The following DBF4B variants were observed in gnomAD, a reference collection of about 807,000 sequenced individuals.
DBF4B encodes the protein protein DBF4 homolog B.
Under a neutral mutation model 53.4 loss-of-function variants are expected in DBF4B, and 49 were observed. The ratio of observed to expected loss-of-function variants is 0.92; its 90% CI spans 0.73 to 1.16. The LOEUF is 1.16. Ranked by LOEUF, DBF4B falls within the 50% of genes most tolerant of loss-of-function variation. The pLI is 0.00. For missense variants in DBF4B, 692 were observed against 775.0 expected, an observed-to-expected ratio of 0.89 and a Z score of 1.27; for synonymous variants, 257 against 288.7, an observed-to-expected ratio of 0.89 and a Z score of 1.11.
chr17:44,715,859 G>A (rs1428382394), intron 2 of DBF4B, among the ~76,000 whole-genome samples: 1 of 96,628 alleles, frequency 1.0e-5, no homozygotes, highest in Non-Finnish European at 1.8e-5. Context: ...GTCTTGCTCT[G>A]TCTCCCAGGC....
rs1336368627 is a variant in DBF4B at position 44,734,079 on chromosome 17, C to G, written c.557-11C>G. On this transcript the variant is annotated splice_polypyrimidine_tract_variant and intron_variant, in intron 6 of 13. Coordinates refer to ENST00000315005, the MANE Select transcript of DBF4B (RefSeq NM_145663.3). ...GAAGCCTTTGGCACAAACCCTCTGTCTTCTCCACAGAAATGATGATGCACG... is the reference window on the plus strand; with the variant it reads ...GAAGCCTTTGGCACAAACCCTCTGTGTTCTCCACAGAAATGATGATGCACG... 2 of 1,611,198 alleles carry G rather than the reference C, an allele frequency of 1.2e-6. No individual in the cohort carries two copies. The highest frequency in any genetic ancestry group is 8.5e-7 in the Non-Finnish European group (1 of 1,177,348).
At chr17:44,726,152 G>T (rs918774339) in intron 3 of DBF4B, among the ~76,000 whole-genome samples, 1 of 151,438 alleles carries the variant, frequency 6.6e-6, no homozygotes. Context: ...TCCATGCCTG[G>T]CTAATTTTGT....
At chr17:44,710,976 A>ATTTTTTTTT (rs10522434) in intron 2 of DBF4B, among the ~76,000 whole-genome samples, 1 of 98,304 alleles carries the variant, frequency 1.0e-5, no homozygotes, top group Non-Finnish European at 1.9e-5. Flanking sequence ...TTCCAGTTTG[A>ATTTTTTTTT]TTTTTTTTTT....
Position 44,729,724 on chromosome 17 carries a change from A to C in DBF4B, c.226-181A>C, listed in dbSNP as rs560926908. 4.1e-3 allele frequency among the ~76,000 whole-genome samples: 599 copies of C among 146,532 alleles called. 1 individual carries two copies. The highest frequency in any genetic ancestry group is 0.014 in the African/African-American group (560 of 38,896). ...CACACACACACACACACACACACAC[A>C]CACCCCATTAGATTTCAGGATGATG... On this transcript the variant is annotated intron_variant, in intron 3 of 13. Transcript: ENST00000315005.
At position 44,749,505 on chromosome 17, in the gene DBF4B, G is replaced by C. The variant is rs1198368462; in HGVS notation, c.1189+1040G>C. 4 of 1,275,370 alleles carry C rather than the reference G, an allele frequency of 3.1e-6. No individual in the cohort carries two copies. Among genetic ancestry groups the C allele is most frequent in the Non-Finnish European group, 4.1e-6 (4 of 981,092 alleles). The allele number at this position is 1,275,370 out of a possible 1,614,324, so 79.0% of individuals were successfully genotyped here. ...CCTGGCCTTTGAAGTCCAGCAAGCA[G>C]CTGTCACGCTCAGCTCCATGGAGCT... is the stretch of plus-strand genomic sequence containing the variant. On this transcript the variant is annotated intron_variant, in intron 13 of 13. Coordinates refer to ENST00000315005, the MANE Select transcript of DBF4B (RefSeq NM_145663.3). This position sits in a 1 kb window ranked among gnomAD's most constrained non-coding sequence, Gnocchi z 4.4.
Position 44,749,443 on chromosome 17 carries a change from C to T in DBF4B, c.1189+978C>T. On this transcript the variant is annotated intron_variant, in intron 13 of 13. Coordinates refer to ENST00000315005, the MANE Select transcript of DBF4B (RefSeq NM_145663.3). The surrounding 1 kb of genome is among the most constrained non-coding windows in gnomAD (Gnocchi z 4.4). ...ACCAGGACGCAGGAGGGGCAGAACC[C>T]CAGGACTTCCCCAAAAGAGCTAGAA... 1 of 1,289,318 alleles carries T rather than the reference C, an allele frequency of 7.8e-7. No homozygotes were observed. Among genetic ancestry groups the T allele is most frequent in the Non-Finnish European group, 1.0e-6 (1 of 988,806 alleles). 79.9% of individuals were successfully genotyped at this position (1,289,318 alleles called of 1,614,324 possible). A position where few individuals can be genotyped will look rare whatever the true frequency, so the allele number is the denominator to read the frequency against.
Position 44,752,021 on chromosome 17 carries a change from T to A in DBF4B, c.*768T>A. On this transcript the variant is annotated 3_prime_UTR_variant, in exon 14 of 14. Coordinates refer to ENST00000315005, the MANE Select transcript of DBF4B (RefSeq NM_145663.3). ...CCCTAACTACTTTACTCAGACTAGG[T>A]CCCCAGGCCTTTGTTCTTGCCTCTT... The A allele has an allele frequency of 6.6e-7, 1 of 1,523,546 alleles. No individual in the cohort carries two copies. The highest frequency in any genetic ancestry group is 8.8e-7 in the Non-Finnish European group (1 of 1,135,634). 94.4% of individuals were successfully genotyped at this position (1,523,546 alleles called of 1,614,324 possible).
intron 2 of DBF4B, among the ~76,000 whole-genome samples, chr17:44,709,664 T>C (rs986742423): frequency 2.0e-5 from 3 of 152,130 alleles, no homozygotes; most frequent in Admixed American, 6.6e-5. Flanking sequence ...CGCAGCATCA[T>C]AGACCGTTTT....
chr17:44,713,873 C>T (rs1271781103), intron 2 of DBF4B, among the ~76,000 whole-genome samples: 1 of 152,126 alleles, frequency 6.6e-6, no homozygotes, highest in Non-Finnish European at 1.5e-5. Context: ...AGGCCTATTG[C>T]ACTGATTTCA....
chr17:44,727,905 A>ACGAAGTTT lies in DBF4B; in HGVS notation c.226-1998_226-1991dup, dbSNP rs773076623. On this transcript the variant is annotated intron_variant, in intron 3 of 13. Transcript: ENST00000315005. ...TTTTTTTTTTGTACTTTTAGTGAAGACGAAGTTTCACCATGTTGGCCAGGC... is the reference window on the plus strand; with the variant it reads ...TTTTTTTTTTGTACTTTTAGTGAAGACGAAGTTTCGAAGTTTCACCATGTTGGCCAGGC... Among the ~76,000 whole-genome samples the ACGAAGTTT allele has an allele frequency of 2.8e-5, 4 of 140,550 alleles. No individual in the cohort carries two copies. The East Asian group carries it at 8.3e-4, about 29-fold the overall frequency. The allele number at this position is 140,550 out of a possible 152,430, so 92.2% of individuals were successfully genotyped here. A position where few individuals can be genotyped will look rare whatever the true frequency, so the allele number is the denominator to read the frequency against.
At chr17:44,712,830 C>T (rs1044724299) in intron 2 of DBF4B, among the ~76,000 whole-genome samples, 3 of 151,818 alleles carry the variant, frequency 2.0e-5, no homozygotes, top group African/African-American at 4.8e-5. Context: ...CCACCTCGGC[C>T]TCCCAAAGTG....
chr17:44,747,211 AG>A lies in DBF4B; in HGVS notation c.939+21del, dbSNP rs760407141. The A allele has an allele frequency of 5.1e-5, 83 of 1,612,844 alleles. No individual in the cohort carries two copies. The highest frequency in any genetic ancestry group is 7.0e-5 in the Non-Finnish European group (82 of 1,179,178). On this transcript the variant is annotated intron_variant, in intron 11 of 13. Transcript: ENST00000315005. Reference sequence around the variant, plus strand: ...CATGTGGTGAGCCCCTTCCCCATTAAGCAGCTGCTCCCAGAGTGCCCTGAGG... The same window carrying A: ...CATGTGGTGAGCCCCTTCCCCATTAACAGCTGCTCCCAGAGTGCCCTGAGG...
intron 10 of DBF4B, among the ~76,000 whole-genome samples, chr17:44,746,053 C>CAAAA (rs61654485): frequency 7.2e-5 from 8 of 110,644 alleles, no homozygotes; most frequent in Non-Finnish European, 1.4e-4. Flanking sequence ...ACTAAAAATA[C>CAAAA]AAAAAAAAAA....
rs1193815434 is a variant in DBF4B, at chr17:44,751,501, T to C, written c.*248T>C. The C allele has an allele frequency of 2.4e-5, 33 of 1,398,064 alleles. No individual in the cohort carries two copies. The highest frequency in any genetic ancestry group is 3.1e-5 in the Non-Finnish European group (33 of 1,079,938). 86.6% of individuals were successfully genotyped at this position (1,398,064 alleles called of 1,614,324 possible). A position where few individuals can be genotyped will look rare whatever the true frequency, so the allele number is the denominator to read the frequency against. ...TGTCCTCCCTCCACAAGTCACACTGTCTGTCCCTGGCCCTCCAGCCCACCT... is the reference window on the plus strand; with the variant it reads ...TGTCCTCCCTCCACAAGTCACACTGCCTGTCCCTGGCCCTCCAGCCCACCT... On this transcript the variant is annotated 3_prime_UTR_variant, in exon 14 of 14. Transcript: ENST00000315005.
At chr17:44,709,560 G>C (rs1972679807) in intron 2 of DBF4B, among the ~76,000 whole-genome samples, 194 bp downstream of exon 2, 2 of 152,084 alleles carry the variant, frequency 1.3e-5, no homozygotes, top group African/African-American at 4.8e-5. Flanking sequence ...GCCTCAAGCA[G>C]TTCTCCTGCC....
In DBF4B at chr17:44,713,219, T is replaced by C. The variant is rs572289907; in HGVS notation, c.82+3853T>C. Among the ~76,000 whole-genome samples, 45 of 150,670 alleles carry C rather than the reference T, an allele frequency of 3.0e-4. No individual in the cohort carries two copies. In the South Asian group the frequency reaches 9.2e-3, roughly 31 times the overall value. ...CAGGCCCGGCTAATTTTTTGGTTTTTTTTAGTAGAGATGGGGTTTCACTGT... is the reference window on the plus strand; with the variant it reads ...CAGGCCCGGCTAATTTTTTGGTTTTCTTTAGTAGAGATGGGGTTTCACTGT... On this transcript the variant is annotated intron_variant, in intron 2 of 13. Coordinates refer to ENST00000315005, the MANE Select transcript of DBF4B (RefSeq NM_145663.3).
At chr17:44,748,964 C>CA (rs2049193108) in intron 13 of DBF4B, 1 of 1,289,820 alleles carries the variant, frequency 7.8e-7, no homozygotes, top group Non-Finnish European at 1.0e-6. Context: ...TTCTGGGCCA[C>CA]ACAGCCCTCC....
At chr17:44,709,906 G>A (rs1972709323) in intron 2 of DBF4B, among the ~76,000 whole-genome samples, 2 of 151,696 alleles carry the variant, frequency 1.3e-5, no homozygotes, top group Admixed American at 6.6e-5. Flanking sequence ...GGGCGCGGCT[G>A]CTCACGCCTG....
At position 44,747,176 on chromosome 17, in the gene DBF4B, C is replaced by T. The variant is rs367787990; in HGVS notation, c.924C>T (p.Phe308=). The change falls in exon 11 of 14, where the codon TTC becomes TTT. Residue 308 remains phenylalanine, a synonymous_variant. Coordinates refer to ENST00000315005, the MANE Select transcript of DBF4B (RefSeq NM_145663.3). The part of the protein sequence containing the change: ...KGYCECCQEA[F]EELHVHLQSA... ...ACTGCGAGTGCTGTCAGGAGGCCTT[C>T]GAGGAGCTCCATGTGGTGAGCCCCT... The T allele has an allele frequency of 1.4e-5, 23 of 1,613,988 alleles. No homozygotes were observed. Among genetic ancestry groups the T allele is most frequent in the African/African-American group, 2.7e-5 (2 of 74,934 alleles).
Sources: gnomAD v4.1 joint callset for allele counts (sites outside exome capture counted in the v4.1 genomes callset) on GRCh38, gnomAD v4.1.1 for gene constraint, Gnocchi (gnomAD v3.1) non-coding constraint, MANE v1.5 for transcripts, NCBI Gene and HGNC (gene_info 2026-07-23, HGNC 2026-07-21) for gene names.